ACAD11: variants seen among roughly 807,000 people sequenced by gnomAD.
ACAD11 encodes acyl-Coenzyme A dehydrogenase family, member 11.
A neutral mutation model predicts 102.2 loss-of-function variants in ACAD11; 83 were observed. The ratio of observed to expected loss-of-function variants is 0.81; its 90% confidence interval spans 0.68 to 0.97. The LOEUF is 0.97. Ranked by LOEUF, ACAD11 falls within the 50% of genes least tolerant of loss-of-function variation. ACAD11 has a pLI of 0.00. For missense variants in ACAD11, 901 were observed against 951.7 expected, an observed-to-expected ratio of 0.95 and a Z score of 0.70; for synonymous variants, 324 against 319.8, an observed-to-expected ratio of 1.01 and a Z score of -0.14.
intron 17 of ACAD11, among the ~76,000 whole-genome samples, chr3:132,573,470 A>G (rs1407601277): frequency 2.0e-5 from 3 of 152,174 alleles, no homozygotes; most frequent in African/African-American, 7.2e-5. Flanking sequence ...ATTAAAATTA[A>G]TTCCATCTTT....
At chr3:132,587,275 T>C (rs923119378) in intron 13 of ACAD11, among the ~76,000 whole-genome samples, 2 of 152,226 alleles carry the variant, frequency 1.3e-5, no homozygotes, top group Non-Finnish European at 2.9e-5. Context: ...TCTGGAACTC[T>C]AATCACACAT....
Position 132,631,406 on chromosome 3 carries a change from GA to G in ACAD11, c.775del (p.Ser259ProfsTer12). 1.5e-5 allele frequency: 23 copies of G among 1,569,414 alleles called. No individual in the cohort carries two copies. Among genetic ancestry groups the G allele is most frequent in the South Asian group, 1.1e-4 (9 of 83,356 alleles). On this transcript the variant is annotated frameshift_variant, in exon 6 of 20. Coordinates refer to ENST00000264990, the MANE Select transcript of ACAD11 (RefSeq NM_032169.5). LOFTEE classifies it high-confidence loss of function. Reference sequence around the variant, plus strand: ...TGTCCTTGGCCAAAAGTAGAACAGGGAAAAATGAGCTAAGTCTGACAAAGGA... The same window carrying G: ...TGTCCTTGGCCAAAAGTAGAACAGGGAAAATGAGCTAAGTCTGACAAAGGA... ...GHPLSDLAHF[S>X]LFYFWPRTVP... is the part of the protein sequence containing the mutation.
At chr3:132,602,422 A>G (rs1188732088) in intron 13 of ACAD11, among the ~76,000 whole-genome samples, 1 of 152,144 alleles carries the variant, frequency 6.6e-6, no homozygotes, top group Non-Finnish European at 1.5e-5. Context: ...ATACAAGTCT[A>G]CCACTGCCGA....
chr3:132,652,576 T>G (rs965295833), intron 1 of ACAD11, among the ~76,000 whole-genome samples: 7 of 152,190 alleles, frequency 4.6e-5, no homozygotes, highest in African/African-American at 1.7e-4. Flanking sequence ...TTTTTTTGCT[T>G]ACACTGATAT....
At chr3:132,633,881 C>G (rs1940156642) in intron 5 of ACAD11, among the ~76,000 whole-genome samples, 2 of 151,872 alleles carry the variant, frequency 1.3e-5, no homozygotes, top group South Asian at 4.2e-4. Flanking sequence ...TGGATCCCTT[C>G]CTTACACCTT....
intron 4 of ACAD11, among the ~76,000 whole-genome samples, chr3:132,640,136 CAG>C (rs1463561884): frequency 6.6e-6 from 1 of 150,544 alleles, no homozygotes; most frequent in East Asian, 1.9e-4. Flanking sequence ...TTTTTTGAGA[CAG>C]AGTCTCGCTC....
At chr3:132,616,862 T>C (rs1939426905) in intron 11 of ACAD11, among the ~76,000 whole-genome samples, 1 of 152,202 alleles carries the variant, frequency 6.6e-6, no homozygotes, top group Non-Finnish European at 1.5e-5. Flanking sequence ...AGTAATTTGA[T>C]AAATCAGTGT....
chr3:132,642,747 G>A lies in ACAD11; in HGVS notation c.305C>T (p.Pro102Leu), dbSNP rs1940573835. 1 of 1,613,286 alleles carries A rather than the reference G, an allele frequency of 6.2e-7. No individual in the cohort carries two copies. The highest frequency in any genetic ancestry group is 8.5e-7 in the Non-Finnish European group (1 of 1,179,730). The change falls in exon 3 of 20, where the codon CCC (proline) becomes CTC (leucine). Residue 102 changes from proline to leucine, a missense_variant. Transcript: ENST00000264990. ...ATCACTGCAGTACAGTATAGGCTTG[G>A]GAACGGGGAATCCAATTGAAAACAA... is the stretch of plus-strand genomic sequence containing the variant. ...KALFSIGFPV[P>L]KPILYCSDTS...
At chr3:132,604,020 T>A (rs1938733388) in intron 12 of ACAD11, among the ~76,000 whole-genome samples, 1 of 152,200 alleles carries the variant, frequency 6.6e-6, no homozygotes, top group Admixed American at 6.5e-5. Flanking sequence ...TTCTACTTAT[T>A]TTGTAAACCC....
chr3:132,624,310 G>GA (rs60100904), intron 9 of ACAD11, among the ~76,000 whole-genome samples: 2,052 of 129,066 alleles, frequency 0.016, 48 homozygotes, highest in African/African-American at 0.052. Flanking sequence ...TCTCTTGAAG[G>GA]AAAAAAAAAA....
Position 132,575,650 on chromosome 3 carries a change from C to T in ACAD11, c.2001+122G>A, listed in dbSNP as rs142422134. The T allele has an allele frequency of 3.4e-6, 4 of 1,166,612 alleles. No homozygotes were observed. The African/African-American group carries it at 4.6e-5, about 14-fold the overall frequency. 72.3% of individuals were successfully genotyped at this position (1,166,612 alleles called of 1,614,324 possible). A position where few individuals can be genotyped will look rare whatever the true frequency, so the allele number is the denominator to read the frequency against. On this transcript the variant is annotated intron_variant, in intron 17 of 19. Transcript: ENST00000264990. ...ATATTTAAATACAGACATAAATATG[C>T]CTTATTGAAAAGAATCACCCGGTTC...
chr3:132,606,359 T>C (rs1938837767), intron 11 of ACAD11, among the ~76,000 whole-genome samples: 1 of 152,222 alleles, frequency 6.6e-6, no homozygotes, highest in South Asian at 2.1e-4. Flanking sequence ...TGAGTTATAA[T>C]TCATGAAGCT....
Position 132,626,970 on chromosome 3 carries a change from T to C in ACAD11, c.1071-153A>G, listed in dbSNP as rs1939843003. 3 of 662,456 alleles carry C rather than the reference T, an allele frequency of 4.5e-6. No individual in the cohort carries two copies. The South Asian group carries it at 7.2e-5, about 16-fold the overall frequency. The allele number at this position is 662,456 out of a possible 1,614,324, so 41.0% of individuals were successfully genotyped here. A position where few individuals can be genotyped will look rare whatever the true frequency, so the allele number is the denominator to read the frequency against. ...TTATATTTTAAAAAAGTCTTCCATA[T>C]TATGGACTGAATGCAGAATCACTTC... On this transcript the variant is annotated intron_variant, in intron 8 of 19. Coordinates refer to ENST00000264990, the MANE Select transcript of ACAD11 (RefSeq NM_032169.5).
At chr3:132,593,676 G>A (rs1316159229) in intron 13 of ACAD11, among the ~76,000 whole-genome samples, 1 of 152,178 alleles carries the variant, frequency 6.6e-6, no homozygotes, top group Non-Finnish European at 1.5e-5. Flanking sequence ...TGGCCAGGAT[G>A]GGTGGATTGT....
chr3:132,567,691 GA>G (rs1937255102), intron 17 of ACAD11, among the ~76,000 whole-genome samples: 1 of 152,144 alleles, frequency 6.6e-6, no homozygotes, highest in Non-Finnish European at 1.5e-5. Context: ...TTATTTAGAA[GA>G]AATGTATATC....
At chr3:132,638,299 A>G (rs1262685878) in intron 5 of ACAD11, among the ~76,000 whole-genome samples, 1 of 152,084 alleles carries the variant, frequency 6.6e-6, no homozygotes, top group African/African-American at 2.4e-5. Context: ...CATTTTGCAG[A>G]ATTTGGATGA....
intron 13 of ACAD11, among the ~76,000 whole-genome samples, chr3:132,594,380 T>A (rs538412314): frequency 6.6e-6 from 1 of 152,066 alleles, no homozygotes; most frequent in African/African-American, 2.4e-5. Flanking sequence ...TAAAGAGATA[T>A]AAGAGATAAG....
intron 7 of ACAD11, 148 bp from the exon 8 acceptor site, chr3:132,628,594 C>T (rs1939915762): frequency 1.8e-6 from 1 of 548,810 alleles, no homozygotes; most frequent in Admixed American, 3.4e-5. Flanking sequence ...AATGTACATG[C>T]AGGGGTAATT....
At chr3:132,641,918 G>A (rs899434789) in intron 4 of ACAD11, 54 bp downstream of exon 4, 31 of 1,474,724 alleles carry the variant, frequency 2.1e-5, no homozygotes, top group Non-Finnish European at 2.7e-5. Context: ...TGACTAATAA[G>A]GTATATTATT....
Sources: allele counts gnomAD v4.1 joint callset (sites outside exome capture counted in the v4.1 genomes callset), GRCh38; gene constraint gnomAD v4.1.1; transcripts MANE v1.5; gene names NCBI Gene and HGNC (gene_info 2026-07-23, HGNC 2026-07-21).